The following LCOR variants were observed in gnomAD, a reference collection of about 807,000 sequenced individuals.
The protein encoded by LCOR is ligand-dependent corepressor.
LCOR carries 14 observed loss-of-function variants against 64.4 expected under a neutral mutation model. That is an observed-to-expected ratio of 0.22 (90% CI 0.14 to 0.34). The LOEUF is 0.34. Ranked by LOEUF, LCOR falls within the 10% of genes least tolerant of loss-of-function variation. The pLI, the probability that LCOR is intolerant of heterozygous loss-of-function variation, is 1.00. For synonymous variants in LCOR, 643 were observed against 642.5 expected (o/e 1.00, Z -0.01); for missense variants, 1,686 against 1,765.3 (o/e 0.96, Z 0.80).
chr10:96,951,657 A>G lies in LCOR; in HGVS notation c.239-446A>G, dbSNP rs551194425. On this transcript the variant is annotated intron_variant, in intron 6 of 7. Coordinates refer to ENST00000421806, the MANE Select transcript of LCOR (RefSeq NM_001346516.2). ...TTAAAGTTTTCTATATCGAATTTGT[A>G]TGTACTTTTGGAGTTTCAGGTAGAT... is the stretch of plus-strand genomic sequence containing the variant. 7.9e-5 allele frequency among the ~76,000 whole-genome samples: 12 copies of G among 152,162 alleles called. No individual in the cohort carries two copies. The South Asian group carries it at 1.0e-3, about 13-fold the overall frequency.
chr10:96,902,964 G>A (rs924759116), intron 2 of LCOR, among the ~76,000 whole-genome samples: 3 of 152,136 alleles, frequency 2.0e-5, no homozygotes, highest in African/African-American at 4.8e-5. Flanking sequence ...ATTTGGTATA[G>A]CCTGTTGCTG....
intron 4 of LCOR, among the ~76,000 whole-genome samples, chr10:96,916,586 G>GATATATAT: frequency 7.7e-6 from 1 of 129,078 alleles, no homozygotes; most frequent in African/African-American, 3.3e-5. Context: ...ATATTTAAAG[G>GATATATAT]CTATATATAT....
intron 2 of LCOR, among the ~76,000 whole-genome samples, chr10:96,857,102 G>A (rs368352221): frequency 6.6e-6 from 1 of 151,658 alleles, no homozygotes; most frequent in East Asian, 1.9e-4. Context: ...ATATATGTGT[G>A]TATATAGTAC....
At chr10:96,920,468 G>A (rs867848060) in intron 4 of LCOR, among the ~76,000 whole-genome samples, 15,931 of 121,792 alleles carry the variant, frequency 0.13, 2,071 homozygotes, top group African/African-American at 0.28. Flanking sequence ...ATTCATATAT[G>A]TGTATATATA....
chr10:96,873,077 A>G (rs1450355038), intron 2 of LCOR, among the ~76,000 whole-genome samples: 1 of 152,130 alleles, frequency 6.6e-6, no homozygotes, highest in Non-Finnish European at 1.5e-5. Context: ...GAGTGGAGGG[A>G]TGGATGGTTG....
rs144567492 is a variant in LCOR at position 96,985,587 on chromosome 10, C to T, written c.*453C>T. 5.4e-3 allele frequency: 900 copies of T among 167,620 alleles called. 7 individuals carry two copies. Among genetic ancestry groups the T allele is most frequent in the Non-Finnish European group, 8.6e-3 (588 of 68,502 alleles). 10.4% of individuals were successfully genotyped at this position (167,620 alleles called of 1,614,324 possible). ...GCAGCATCTGCCCACGAACAGATGCCCTTCTTTGCAAACCCCAGCAGTGAA... is the reference window on the plus strand; with the variant it reads ...GCAGCATCTGCCCACGAACAGATGCTCTTCTTTGCAAACCCCAGCAGTGAA... On this transcript the variant is annotated 3_prime_UTR_variant, in exon 8 of 8. Coordinates refer to ENST00000421806, the MANE Select transcript of LCOR (RefSeq NM_001346516.2).
chr10:96,885,048 C>G (rs1046588174), intron 2 of LCOR, among the ~76,000 whole-genome samples: 2 of 152,180 alleles, frequency 1.3e-5, no homozygotes, highest in African/African-American at 4.8e-5. Context: ...TCACATACTT[C>G]TCTGAATAGT....
chr10:96,944,569 C>T (rs371255704), intron 5 of LCOR, among the ~76,000 whole-genome samples: 12 of 149,554 alleles, frequency 8.0e-5, no homozygotes, highest in African/African-American at 2.4e-4. Flanking sequence ...TTTTAATCAC[C>T]GATAACTAAA....
chr10:96,964,634 A>G (rs1017855041), intron 7 of LCOR, among the ~76,000 whole-genome samples: 5 of 152,208 alleles, frequency 3.3e-5, no homozygotes, highest in Non-Finnish European at 7.4e-5. Flanking sequence ...TTCAGGTGCA[A>G]TATTGCGTTG....
At chr10:96,835,643 T>G (rs1188032383) in intron 2 of LCOR, among the ~76,000 whole-genome samples, 1 of 152,200 alleles carries the variant, frequency 6.6e-6, no homozygotes, top group East Asian at 1.9e-4. Context: ...ACGGTCAACC[T>G]GTTTGTTTCT....
intron 4 of LCOR, among the ~76,000 whole-genome samples, chr10:96,920,502 A>G (rs1847038893): frequency 1.4e-5 from 2 of 143,346 alleles, no homozygotes; most frequent in African/African-American, 5.4e-5. Context: ...ATATGTGTAT[A>G]TATGTATGTA....
At chr10:96,861,123 G>A (rs1845880613) in intron 2 of LCOR, among the ~76,000 whole-genome samples, 1 of 152,064 alleles carries the variant, frequency 6.6e-6, no homozygotes, top group Admixed American at 6.6e-5. Context: ...ATAGAAAGTG[G>A]GTATCTTCTT....
chr10:96,933,334 T>C (rs1429529546), intron 4 of LCOR, among the ~76,000 whole-genome samples: 1 of 152,184 alleles, frequency 6.6e-6, no homozygotes, highest in African/African-American at 2.4e-5. Flanking sequence ...GCATAAACCT[T>C]GTAGGATTTC....
At chr10:96,896,121 A>C (rs1292541949) in intron 2 of LCOR, among the ~76,000 whole-genome samples, 1 of 152,056 alleles carries the variant, frequency 6.6e-6, no homozygotes, top group Non-Finnish European at 1.5e-5. Context: ...CTCCTAGATA[A>C]TTTTTTTCTC....
At chr10:96,883,730 G>C (rs2134422556) in intron 2 of LCOR, among the ~76,000 whole-genome samples, 1 of 152,274 alleles carries the variant, frequency 6.6e-6, no homozygotes, top group East Asian at 1.9e-4. Context: ...TGTATATTTT[G>C]AATAACAGGC....
chr10:96,843,837 T>C (rs1271502913), intron 2 of LCOR, among the ~76,000 whole-genome samples: 1 of 152,208 alleles, frequency 6.6e-6, no homozygotes, highest in African/African-American at 2.4e-5. Flanking sequence ...TTTAAAGAAA[T>C]AAATAAGACA....
At chr10:96,946,181 C>G (rs928390391) in intron 5 of LCOR, among the ~76,000 whole-genome samples, 3 of 151,906 alleles carry the variant, frequency 2.0e-5, no homozygotes, top group Non-Finnish European at 2.9e-5. Context: ...CCAAGATAGC[C>G]ATTAGTACTC....
In LCOR at chr10:96,991,512, C is replaced by G. The variant is rs185325378; in HGVS notation, c.*6378C>G. On this transcript the variant is annotated 3_prime_UTR_variant, in exon 8 of 8. Transcript: ENST00000421806. ...GAACTTAAAGCCAAGAATAGTGCCT[C>G]TCCCTGAAAGTATGCGATGTGTTGG... 27 of 152,320 alleles carry G rather than the reference C, an allele frequency of 1.8e-4. No individual in the cohort carries two copies. Among genetic ancestry groups the G allele is most frequent in the African/African-American group, 5.5e-4 (23 of 41,564 alleles). The allele number at this position is 152,320 out of a possible 1,614,324, so 9.4% of individuals were successfully genotyped here.
intron 2 of LCOR, among the ~76,000 whole-genome samples, chr10:96,881,125 A>G (rs1256526535): frequency 2.6e-5 from 4 of 152,112 alleles, no homozygotes; most frequent in Non-Finnish European, 4.4e-5. Flanking sequence ...CACCTGAAAT[A>G]TTTATTATCT....
Sources: allele counts gnomAD v4.1 joint callset (sites outside exome capture counted in the v4.1 genomes callset), GRCh38; gene constraint gnomAD v4.1.1; transcripts MANE v1.5; gene names NCBI Gene and HGNC (gene_info 2026-07-23, HGNC 2026-07-21).